Variants in BLTP1 observed in about 807,000 individuals in gnomAD.
The protein encoded by BLTP1 is bridge-like lipid transfer protein family member 1, also known as fragile site-associated protein.
chr4:122,241,409 T>C, the BLTP1 span, among the ~76,000 whole-genome samples: 1 of 152,190 alleles, frequency 6.6e-6, no homozygotes, highest in East Asian at 1.9e-4. Flanking sequence ...ATTTATTAAC[T>C]CTTCAGAGTT....
chr4:122,279,626 C>A, the BLTP1 span: 43 of 846,160 alleles, frequency 5.1e-5, no homozygotes, highest in Non-Finnish European at 7.2e-5. Context: ...ATTCTGAAAT[C>A]TACACTTTTT....
the BLTP1 span, among the ~76,000 whole-genome samples, chr4:122,179,026 C>T: frequency 3.3e-4 from 50 of 152,224 alleles, no homozygotes; most frequent in Admixed American, 9.8e-4. Flanking sequence ...TGCCTGTAAT[C>T]GCAGTGCTTT....
At chr4:122,237,102 T>C in the BLTP1 span, 15 of 984,486 alleles carry the variant, frequency 1.5e-5, 1 homozygote, top group African/African-American at 2.4e-4. Context: ...GTAACTAATA[T>C]TATATTTTAG....
the BLTP1 span, among the ~76,000 whole-genome samples, chr4:122,240,857 A>C: frequency 1.3e-5 from 2 of 152,208 alleles, no homozygotes; most frequent in African/African-American, 4.8e-5. Context: ...CCTCAAAATA[A>C]ATTTAGGGGT....
chr4:122,247,652 C>T, the BLTP1 span: 2,583 of 1,162,218 alleles, frequency 2.2e-3, 11 homozygotes, highest in African/African-American at 0.017. Flanking sequence ...TTTACTTGCT[C>T]GTTATAGAAC....
the BLTP1 span, among the ~76,000 whole-genome samples, chr4:122,322,657 A>G: frequency 5.3e-5 from 8 of 152,168 alleles, no homozygotes; most frequent in Admixed American, 3.3e-4. Context: ...TTAAGGTGTC[A>G]GGGTAAGAGA....
At chr4:122,190,153 G>A in the BLTP1 span, 1 of 1,582,170 alleles carries the variant, frequency 6.3e-7, no homozygotes, top group Non-Finnish European at 8.6e-7. Context: ...CTGGAATGCA[G>A]TGGCGTAATC....
chr4:122,292,248 G>A, the BLTP1 span: 1 of 638,402 alleles, frequency 1.6e-6, no homozygotes, highest in Non-Finnish European at 1.9e-6. Context: ...GATTACAGGC[G>A]TGAGCCACTG....
At chr4:122,208,558 A>G in the BLTP1 span, 11 of 948,552 alleles carry the variant, frequency 1.2e-5, no homozygotes, top group South Asian at 4.9e-4. Flanking sequence ...AACATAGTCC[A>G]CCTGAGCTTA....
the BLTP1 span, among the ~76,000 whole-genome samples, chr4:122,317,246 C>T: frequency 6.6e-6 from 1 of 151,834 alleles, no homozygotes; most frequent in African/African-American, 2.4e-5. Context: ...GCAGGAGAAT[C>T]GCTTGAGCCC....
chr4:122,235,415 A>ATACTG, the BLTP1 span: 2 of 975,434 alleles, frequency 2.1e-6, no homozygotes, highest in Admixed American at 1.2e-4. Context: ...AGTAATATTT[A>ATACTG]TACTGTTGGC....
chr4:122,251,056 A>C, the BLTP1 span: 1 of 985,390 alleles, frequency 1.0e-6, no homozygotes, highest in Non-Finnish European at 1.2e-6. Flanking sequence ...TGATGAGTAC[A>C]GTAACAGCAA....
the BLTP1 span, chr4:122,225,049 T>A: frequency 2.1e-6 from 2 of 956,566 alleles, no homozygotes; most frequent in South Asian, 6.9e-5. Context: ...ATGGAGTAAT[T>A]TTCTAAGAAC....
the BLTP1 span, chr4:122,211,061 A>G: frequency 2.9e-5 from 47 of 1,612,974 alleles, no homozygotes; most frequent in Non-Finnish European, 3.8e-5. Context: ...ATAACTCTCT[A>G]TGGACCTCTA....
chr4:122,360,052 T>C, the BLTP1 span: 1 of 985,282 alleles, frequency 1.0e-6, no homozygotes, highest in African/African-American at 1.7e-5. Flanking sequence ...TTGAGGTAGC[T>C]ACTGTAAACT....
the BLTP1 span, chr4:122,238,292 G>T: frequency 6.2e-7 from 1 of 1,614,026 alleles, no homozygotes; most frequent in South Asian, 1.1e-5. Context: ...TGTTGCTGAT[G>T]ACCATTTGGT....
chr4:122,270,045 G>C, the BLTP1 span, among the ~76,000 whole-genome samples: 1 of 151,590 alleles, frequency 6.6e-6, no homozygotes, highest in Middle Eastern at 3.2e-3. Context: ...TCTCTTTTTA[G>C]TCTTCTCCTG....
chr4:122,247,094 A>G, the BLTP1 span: 5 of 1,509,064 alleles, frequency 3.3e-6, no homozygotes, highest in Non-Finnish European at 4.5e-6. Context: ...CCTTTTAGGT[A>G]AATGTTTTCT....
At chr4:122,299,740 A>AC in the BLTP1 span, 2 of 937,072 alleles carry the variant, frequency 2.1e-6, no homozygotes, top group Non-Finnish European at 2.5e-6. Flanking sequence ...ACAAATACAC[A>AC]CATACATATA....
Sources: allele counts gnomAD v4.1 joint callset (sites outside exome capture counted in the v4.1 genomes callset), GRCh38; gene constraint gnomAD v4.1.1; transcripts MANE v1.5; gene names NCBI Gene and HGNC (gene_info 2026-07-23, HGNC 2026-07-21).